CEP57L1: variants seen among roughly 807,000 people sequenced by gnomAD.
The protein encoded by CEP57L1 is centrosomal protein 57 like 1.
In CEP57L1, 37 loss-of-function variants were observed where a neutral mutation model predicts 61.0. The ratio of observed to expected loss-of-function variants is 0.61; its 90% CI spans 0.47 to 0.80. The LOEUF (loss-of-function observed/expected upper bound fraction) is 0.80, where lower values mean the gene tolerates loss of function less well. CEP57L1 is among the 30% of genes least tolerant of loss of function. CEP57L1 has a pLI of 0.00. For missense variants in CEP57L1, 422 were observed against 524.7 expected (o/e 0.80, Z 1.91); for synonymous variants, 137 against 162.3 (o/e 0.84, Z 1.19).
chr6:109,166,314 A>T lies in CEP57L1; in HGVS notation c.*3344A>T, dbSNP rs1467121141. On this transcript the variant is annotated 3_prime_UTR_variant, in exon 11 of 11. Coordinates refer to ENST00000517392, the MANE Select transcript of CEP57L1 (RefSeq NM_001271852.3). ...TTTCTTACTTTATTCCTTTTTTTCT[A>T]TACCTGCCAGTAGATGTGAGAGCTT... is the stretch of plus-strand genomic sequence containing the variant. Among the ~76,000 whole-genome samples the T allele has an allele frequency of 1.3e-5, 2 of 150,988 alleles. No individual in the cohort carries two copies. The highest frequency in any genetic ancestry group is 4.9e-5 in the African/African-American group (2 of 41,090).
chr6:109,132,882 A>G (rs1480434400), intron 1 of CEP57L1, among the ~76,000 whole-genome samples: 1 of 152,118 alleles, frequency 6.6e-6, no homozygotes, highest in Non-Finnish European at 1.5e-5. Flanking sequence ...CTATATTTAT[A>G]AGCCACTTAT....
In CEP57L1 at chr6:109,111,430, G is replaced by A. The variant is rs952405994; in HGVS notation, c.-4+15855G>A. 6.6e-5 allele frequency among the ~76,000 whole-genome samples: 10 copies of A among 152,250 alleles called. No individual in the cohort carries two copies. The East Asian group carries it at 1.7e-3, about 26-fold the overall frequency. ...GCTTAAGGAGATTTTGGGCTGAGAC[G>A]ATGGGGTTTTCTAAATATACAATCA... is the stretch of plus-strand genomic sequence containing the variant. On this transcript the variant is annotated intron_variant, in intron 1 of 10. Coordinates refer to ENST00000517392, the MANE Select transcript of CEP57L1 (RefSeq NM_001271852.3).
Position 109,171,423 on chromosome 6 carries a change from T to A in CEP57L1, c.*8453T>A, listed in dbSNP as rs1330782422. On this transcript the variant is annotated 3_prime_UTR_variant, in exon 11 of 11. Transcript: ENST00000517392. Reference sequence around the variant, plus strand: ...CCGGCTGTTTTTTTTTTTCGCATTTTTAATAGAAACGGGGTTTCACCGTGT... The same window carrying A: ...CCGGCTGTTTTTTTTTTTCGCATTTATAATAGAAACGGGGTTTCACCGTGT... Among the ~76,000 whole-genome samples, 1 of 151,862 alleles carries A rather than the reference T, an allele frequency of 6.6e-6. No homozygotes were observed. The highest frequency in any genetic ancestry group is 2.4e-5 in the African/African-American group (1 of 41,318).
intron 1 of CEP57L1, among the ~76,000 whole-genome samples, chr6:109,102,965 A>C (rs1189499954): frequency 1.3e-5 from 2 of 152,206 alleles, no homozygotes; most frequent in African/African-American, 4.8e-5. Flanking sequence ...GCTGTAAGTG[A>C]AAATTGTTAG....
chr6:109,136,387 G>T (rs2114800261), intron 1 of CEP57L1, among the ~76,000 whole-genome samples: 1 of 152,282 alleles, frequency 6.6e-6, no homozygotes, highest in East Asian at 1.9e-4. Flanking sequence ...GACACAGGAA[G>T]GGGAACATCA....
At chr6:109,141,572 A>G (rs940888268) in intron 1 of CEP57L1, among the ~76,000 whole-genome samples, 5 of 152,072 alleles carry the variant, frequency 3.3e-5, no homozygotes, top group African/African-American at 9.7e-5. Context: ...TGTATTTACT[A>G]GTTTCTATTG....
At chr6:109,153,118 A>G (rs952846834) in intron 4 of CEP57L1, among the ~76,000 whole-genome samples, 4 of 151,378 alleles carry the variant, frequency 2.6e-5, no homozygotes, top group African/African-American at 7.3e-5. Flanking sequence ...CAAAAAAAAA[A>G]AAGAAAAGAA....
At chr6:109,136,579 A>T (rs1279057444) in intron 1 of CEP57L1, among the ~76,000 whole-genome samples, 2 of 145,960 alleles carry the variant, frequency 1.4e-5, no homozygotes, top group East Asian at 4.1e-4. Context: ...AAAAAAAAAG[A>T]TACCATTTTT....
intron 1 of CEP57L1, among the ~76,000 whole-genome samples, chr6:109,100,946 A>G (rs1249788972): frequency 6.6e-6 from 1 of 151,948 alleles, no homozygotes; most frequent in African/African-American, 2.4e-5. Flanking sequence ...ATCTCTACTA[A>G]AAGTACAAAA....
chr6:109,147,626 A>G (rs1379266619), intron 3 of CEP57L1, among the ~76,000 whole-genome samples: 3 of 152,200 alleles, frequency 2.0e-5, no homozygotes, highest in Non-Finnish European at 4.4e-5. Flanking sequence ...ACAAAAGTAG[A>G]AGAAAGGGGT....
intron 1 of CEP57L1, among the ~76,000 whole-genome samples, chr6:109,120,931 C>G (rs1170146312): frequency 5.7e-5 from 6 of 105,234 alleles, no homozygotes; most frequent in Admixed American, 4.8e-4. Context: ...CACACACACA[C>G]ACACACACAC....
intron 1 of CEP57L1, among the ~76,000 whole-genome samples, chr6:109,122,568 C>T (rs963314588): frequency 2.8e-4 from 42 of 152,064 alleles, no homozygotes; most frequent in Non-Finnish European, 3.5e-4. Flanking sequence ...TTTGGGAGGC[C>T]GAGGTGGGAG....
At chr6:109,101,018 A>G (rs911682447) in intron 1 of CEP57L1, among the ~76,000 whole-genome samples, 1 of 152,186 alleles carries the variant, frequency 6.6e-6, no homozygotes, top group African/African-American at 2.4e-5. Context: ...GAGGCAGGAG[A>G]ATCGCCTGAG....
intron 1 of CEP57L1, among the ~76,000 whole-genome samples, chr6:109,139,642 C>T (rs1430652619): frequency 3.9e-5 from 6 of 151,976 alleles, no homozygotes; most frequent in African/African-American, 9.7e-5. Flanking sequence ...CCTGCCACCA[C>T]GCTCAGCCAA....
rs145977583 is a variant in CEP57L1, at chr6:109,104,159, AACTT to A, written c.-4+8589_-4+8592del. ...ACATAGAAGATATCTTACTATCTGT[AACTT>A]ACTTTCTGTTTTACTCAACAATATA... is the stretch of plus-strand genomic sequence containing the variant. On this transcript the variant is annotated intron_variant, in intron 1 of 10. Coordinates refer to ENST00000517392, the MANE Select transcript of CEP57L1 (RefSeq NM_001271852.3). Among the ~76,000 whole-genome samples the A allele has an allele frequency of 8.3e-3, 1,255 of 151,842 alleles. 23 individuals carry two copies. The highest frequency in any genetic ancestry group is 0.029 in the African/African-American group (1,203 of 41,400).
Position 109,166,667 on chromosome 6 carries a change from G to A in CEP57L1, c.*3697G>A, listed in dbSNP as rs1054358953. Among the ~76,000 whole-genome samples, 15 of 152,160 alleles carry A rather than the reference G, an allele frequency of 9.9e-5. No individual in the cohort carries two copies. The highest frequency in any genetic ancestry group is 3.6e-4 in the African/African-American group (15 of 41,430). On this transcript the variant is annotated 3_prime_UTR_variant, in exon 11 of 11. Transcript: ENST00000517392. ...CAAAGTGCTGGGATTACAGGCATGA[G>A]CCACTGCGCCCAGCCTAAATGTGTA...
At chr6:109,105,762 G>A (rs1207246715) in intron 1 of CEP57L1, among the ~76,000 whole-genome samples, 1 of 151,996 alleles carries the variant, frequency 6.6e-6, no homozygotes, top group East Asian at 1.9e-4. Context: ...CCCAACCCTC[G>A]GGCCATGGAC....
intron 1 of CEP57L1, among the ~76,000 whole-genome samples, chr6:109,113,522 C>T (rs1002466121): frequency 1.3e-5 from 2 of 152,068 alleles, no homozygotes; most frequent in Non-Finnish European, 1.5e-5. Flanking sequence ...TTGCATTTAC[C>T]TATTTAATAG....
chr6:109,129,290 T>C (rs1773921625), intron 1 of CEP57L1: 8 of 954,714 alleles, frequency 8.4e-6, no homozygotes, highest in Non-Finnish European at 1.1e-5. Flanking sequence ...ACTTAAGCTA[T>C]TCATATTTCC....
Sources: allele counts gnomAD v4.1 joint callset (sites outside exome capture counted in the v4.1 genomes callset), GRCh38; gene constraint gnomAD v4.1.1; transcripts MANE v1.5; gene names NCBI Gene and HGNC (gene_info 2026-07-23, HGNC 2026-07-21).